MPP7: variants seen among roughly 807,000 people sequenced by gnomAD.
MPP7 encodes the protein MAGUK p55 subfamily member 7.
Under a neutral mutation model 76.5 loss-of-function variants are expected in MPP7, and 60 were observed. The observed-to-expected ratio is 0.78, with a 90% CI of 0.64 to 0.97. The LOEUF is 0.97. Among genes scored for constraint, MPP7 ranks in the 50% least tolerant of loss-of-function variants. The pLI, the probability that MPP7 is intolerant of heterozygous loss-of-function variation, is 0.00. For synonymous variants in MPP7, 237 were observed against 244.5 expected (o/e 0.97, Z 0.29); for missense variants, 641 against 694.0 (o/e 0.92, Z 0.86).
chr10:28,265,741 TA>T (rs1440701672), intron 1 of MPP7, among the ~76,000 whole-genome samples: 1 of 152,202 alleles, frequency 6.6e-6, no homozygotes, highest in East Asian at 1.9e-4. Context: ...ATCGAGTTAA[TA>T]AATGTTGGCA....
At position 28,093,796 on chromosome 10, in the gene MPP7, A is replaced by C. The variant is rs138411551; in HGVS notation, c.953-3955T>G. ...ATGAAGAGTTAGTGAGGAAAAGAGA[A>C]GGTAATCAGATCTCTTAAGGTGATG... is the stretch of plus-strand genomic sequence containing the variant. On this transcript the variant is annotated intron_variant, in intron 11 of 16. Coordinates refer to ENST00000683449, the MANE Select transcript of MPP7 (RefSeq NM_001318170.2). 2.3e-4 allele frequency among the ~76,000 whole-genome samples: 35 copies of C among 152,328 alleles called. No homozygotes were observed. The East Asian group carries it at 6.4e-3, about 28-fold the overall frequency.
At position 28,248,951 on chromosome 10, in the gene MPP7, C is replaced by G. The variant is rs12573455; in HGVS notation, c.-131-10216G>C. On this transcript the variant is annotated intron_variant, in intron 1 of 16. Coordinates refer to ENST00000683449, the MANE Select transcript of MPP7 (RefSeq NM_001318170.2). ...AGAACGTCTCCCTGTCGTTAAGCAA[C>G]GTATGACTTACAGAAACTATGAGAG... Among the ~76,000 whole-genome samples, 28 of 152,210 alleles carry G rather than the reference C, an allele frequency of 1.8e-4. No homozygotes were observed. The East Asian group carries it at 5.4e-3, about 29-fold the overall frequency.
chr10:28,066,876 C>A (rs1852009475), intron 13 of MPP7, among the ~76,000 whole-genome samples: 1 of 152,130 alleles, frequency 6.6e-6, no homozygotes, highest in African/African-American at 2.4e-5. Flanking sequence ...TTACAGTATT[C>A]CATTGTATGC....
chr10:28,119,014 TGAA>T, intron 11 of MPP7: 3 of 985,264 alleles, frequency 3.0e-6, no homozygotes, highest in Non-Finnish European at 3.6e-6. Context: ...GATGCAGACT[TGAA>T]GAGCTGGGTG....
intron 2 of MPP7, among the ~76,000 whole-genome samples, chr10:28,204,442 CAA>C (rs35353394): frequency 4.2e-5 from 4 of 94,984 alleles, no homozygotes; most frequent in African/African-American, 3.8e-5. Flanking sequence ...AACTCCGTCT[CAA>C]AAAAAAAAAA....
At chr10:28,176,550 T>G (rs1836867330) in intron 3 of MPP7, among the ~76,000 whole-genome samples, 1 of 151,890 alleles carries the variant, frequency 6.6e-6, no homozygotes, top group Non-Finnish European at 1.5e-5. Context: ...CTGACCAACA[T>G]GGTGAAACCC....
Position 28,067,135 on chromosome 10 carries a change from G to C in MPP7, c.1204+2637C>G, listed in dbSNP as rs975728189. On this transcript the variant is annotated intron_variant, in intron 13 of 16. Transcript: ENST00000683449. ...ATACTGCTACTTAGTTTTCCAAAAT[G>C]ATTGTGTTAATTTACATTCCCATCA... Among the ~76,000 whole-genome samples, 9 of 152,188 alleles carry C rather than the reference G, an allele frequency of 5.9e-5. No individual in the cohort carries two copies. In the East Asian group the frequency reaches 1.7e-3, roughly 29 times the overall value.
intron 2 of MPP7, among the ~76,000 whole-genome samples, chr10:28,224,863 A>T (rs952185520): frequency 1.3e-5 from 2 of 152,200 alleles, no homozygotes; most frequent in African/African-American, 4.8e-5. Flanking sequence ...TTTATCAAAA[A>T]AATAAAAATA....
At chr10:28,308,542 T>A (rs1365305431) in intron 2 of MPP7, among the ~76,000 whole-genome samples, 2 of 152,210 alleles carry the variant, frequency 1.3e-5, no homozygotes, top group Non-Finnish European at 2.9e-5. Context: ...GTGAGGCACT[T>A]TTAAGAGTCA....
chr10:28,319,505 C>T (rs1258483376), intron 2 of MPP7, among the ~76,000 whole-genome samples: 11 of 151,294 alleles, frequency 7.3e-5, no homozygotes, highest in Admixed American at 4.0e-4. Context: ...GGCAAAACCC[C>T]GTCTCTACAA....
intron 12 of MPP7, among the ~76,000 whole-genome samples, chr10:28,084,158 G>A (rs889535784): frequency 2.0e-5 from 3 of 152,152 alleles, no homozygotes; most frequent in African/African-American, 7.2e-5. Context: ...ATCCTGAACA[G>A]CAGAAAGATT....
chr10:28,244,276 A>G (rs1269934291), intron 1 of MPP7, among the ~76,000 whole-genome samples: 1 of 152,202 alleles, frequency 6.6e-6, no homozygotes, highest in East Asian at 1.9e-4. Flanking sequence ...ACATTCAAAA[A>G]GAAAGTTAAA....
chr10:28,273,451 T>C (rs924113276), intron 1 of MPP7, among the ~76,000 whole-genome samples: 1 of 152,190 alleles, frequency 6.6e-6, no homozygotes, highest in African/African-American at 2.4e-5. Context: ...GGTGTCCTCT[T>C]TATTGGTGCC....
At chr10:28,296,934 G>A (rs1433460946) in intron 1 of MPP7, among the ~76,000 whole-genome samples, 1 of 152,030 alleles carries the variant, frequency 6.6e-6, no homozygotes, top group East Asian at 1.9e-4. Flanking sequence ...CTAAGCCGCA[G>A]TTTACATAAA....
chr10:28,281,014 A>C (rs1840654919), intron 1 of MPP7, among the ~76,000 whole-genome samples: 1 of 152,122 alleles, frequency 6.6e-6, no homozygotes, highest in Non-Finnish European at 1.5e-5. Flanking sequence ...TTTGAAAGGC[A>C]AACTGAGTAA....
At chr10:28,085,746 A>C (rs1331411694) in intron 12 of MPP7, among the ~76,000 whole-genome samples, 1 of 152,190 alleles carries the variant, frequency 6.6e-6, no homozygotes, top group Non-Finnish European at 1.5e-5. Flanking sequence ...TCTGAGAATC[A>C]GGAATCAAAC....
At position 28,154,414 on chromosome 10, in the gene MPP7, T is replaced by C. The variant is rs571374110; in HGVS notation, c.157-4355A>G. Among the ~76,000 whole-genome samples the C allele has an allele frequency of 3.9e-5, 6 of 152,294 alleles. No individual in the cohort carries two copies. The South Asian group carries it at 1.2e-3, about 32-fold the overall frequency. On this transcript the variant is annotated intron_variant, in intron 3 of 16. Coordinates refer to ENST00000683449, the MANE Select transcript of MPP7 (RefSeq NM_001318170.2). ...AATGTAAAGAAATAAAGCCTTCCCATAGGAATCGCTGGGAGCAACTGGTAC... is the reference window on the plus strand; with the variant it reads ...AATGTAAAGAAATAAAGCCTTCCCACAGGAATCGCTGGGAGCAACTGGTAC...
At chr10:28,257,207 C>G (rs1839813043) in intron 1 of MPP7, among the ~76,000 whole-genome samples, 1 of 152,120 alleles carries the variant, frequency 6.6e-6, no homozygotes, top group African/African-American at 2.4e-5. Flanking sequence ...AAGCGCAATT[C>G]AGCGTTTCAT....
In MPP7 at chr10:28,202,103, A is replaced by C. The variant is rs560763961; in HGVS notation, c.156+50T>G. 3.2e-5 allele frequency: 42 copies of C among 1,320,276 alleles called. 1 individual carries two copies. In the South Asian group the frequency reaches 4.7e-4, roughly 15 times the overall value. The allele number at this position is 1,320,276 out of a possible 1,614,324, so 81.8% of individuals were successfully genotyped here. On this transcript the variant is annotated intron_variant, in intron 3 of 16. Transcript: ENST00000683449. ...TGGTTTACTTGGTGGTGCCCCAAAT[A>C]TTTTTCCATATGCTTTTCGCAAAGA... is the stretch of plus-strand genomic sequence containing the variant.
Sources: gnomAD v4.1 joint callset for allele counts (sites outside exome capture counted in the v4.1 genomes callset) on GRCh38, gnomAD v4.1.1 for gene constraint, MANE v1.5 for transcripts, NCBI Gene and HGNC (gene_info 2026-07-23, HGNC 2026-07-21) for gene names.